Variants in NCAM2 observed in about 807,000 individuals in gnomAD.
NCAM2 encodes neural cell adhesion molecule 2, also known as N-CAM-2.
Under a neutral mutation model 98.1 loss-of-function variants are expected in NCAM2, and 30 were observed. That is an observed-to-expected ratio of 0.31 (90% CI 0.23 to 0.41). The LOEUF (loss-of-function observed/expected upper bound fraction) is 0.41. NCAM2 is among the 10% of genes least tolerant of loss of function. The pLI is 1.00. For missense variants in NCAM2, 867 were observed against 1,005.8 expected (o/e 0.86, Z 1.87); for synonymous variants, 368 against 342.4 (o/e 1.07, Z -0.83).
intron 1 of NCAM2, among the ~76,000 whole-genome samples, chr21:21,273,466 A>G (rs1049123336): frequency 1.3e-5 from 2 of 152,138 alleles, no homozygotes; most frequent in African/African-American, 4.8e-5. Flanking sequence ...GCAAACTATA[A>G]ATATGGAGGT....
At chr21:21,473,373 A>AAAATATATATATATATATAT in intron 14 of NCAM2, among the ~76,000 whole-genome samples, 1 of 140,494 alleles carries the variant, frequency 7.1e-6, no homozygotes, top group African/African-American at 2.6e-5. Context: ...TATATGTATA[A>AAAATATATATATATATATAT]ATATATATAT....
chr21:21,474,133 A>G (rs904278415), intron 14 of NCAM2, among the ~76,000 whole-genome samples: 1 of 151,926 alleles, frequency 6.6e-6, no homozygotes, highest in Non-Finnish European at 1.5e-5. Flanking sequence ...CATACTTGAG[A>G]TTTTGATGCC....
chr21:21,423,835 T>C (rs1428152311), intron 11 of NCAM2, among the ~76,000 whole-genome samples: 1 of 152,140 alleles, frequency 6.6e-6, no homozygotes, highest in East Asian at 1.9e-4. Flanking sequence ...GAAGCACTCA[T>C]CTGTATTTTC....
chr21:21,125,459 G>GT, intron 1 of NCAM2, among the ~76,000 whole-genome samples: 1 of 3,582 alleles, frequency 2.8e-4, no homozygotes, highest in East Asian at 0.013. Flanking sequence ...TACATATATA[G>GT]AGACAGATAT....
chr21:21,415,791 G>A (rs2076983146), intron 10 of NCAM2, among the ~76,000 whole-genome samples: 1 of 152,106 alleles, frequency 6.6e-6, no homozygotes, highest in Admixed American at 6.6e-5. Flanking sequence ...CCTCACCTCT[G>A]TCAGCCTTCA....
At chr21:21,430,956 G>T (rs552580352) in intron 11 of NCAM2, among the ~76,000 whole-genome samples, 5 of 148,302 alleles carry the variant, frequency 3.4e-5, no homozygotes, top group African/African-American at 1.2e-4. Context: ...TGAAGCAGGA[G>T]AATGGCATGA....
Position 21,418,455 on chromosome 21 carries a change from T to C in NCAM2, c.1384-18T>C, listed in dbSNP as rs1353803679. ...TGATGTTTTAGAATTGTAACATTTG[T>C]TATTATAATTATTTCAGATTGCACC... On this transcript the variant is annotated intron_variant, in intron 10 of 17. Transcript: ENST00000400546. 1 of 1,552,954 alleles carries C rather than the reference T, an allele frequency of 6.4e-7. No homozygotes were observed. Among genetic ancestry groups the C allele is most frequent in the Admixed American group, 1.7e-5 (1 of 59,792 alleles).
chr21:21,121,218 A>G (rs1281531088), intron 1 of NCAM2, among the ~76,000 whole-genome samples: 2 of 152,178 alleles, frequency 1.3e-5, no homozygotes, highest in African/African-American at 2.4e-5. Flanking sequence ...GTTAATTTCA[A>G]TAGCTTCTTA....
intron 1 of NCAM2, among the ~76,000 whole-genome samples, chr21:21,006,252 A>G (rs950647764): frequency 6.6e-6 from 1 of 152,132 alleles, no homozygotes; most frequent in African/African-American, 2.4e-5. Context: ...CACATCTGTA[A>G]TCCCAGGACT....
rs149776780 is a variant in NCAM2, at chr21:21,497,269, T to A, written c.2078-11582T>A. ...TCAAGCTGTGTGCTCGCTATCAGGGTGATATGACTTCCAAACCTCAGCATC... is the reference window on the plus strand; with the variant it reads ...TCAAGCTGTGTGCTCGCTATCAGGGAGATATGACTTCCAAACCTCAGCATC... On this transcript the variant is annotated intron_variant, in intron 15 of 17. Coordinates refer to ENST00000400546, the MANE Select transcript of NCAM2 (RefSeq NM_004540.5). 5.3e-5 allele frequency among the ~76,000 whole-genome samples: 8 copies of A among 152,160 alleles called. No individual in the cohort carries two copies. In the East Asian group the frequency reaches 1.5e-3, roughly 29 times the overall value.
chr21:21,182,758 A>G (rs996611870), intron 1 of NCAM2, among the ~76,000 whole-genome samples: 7 of 152,152 alleles, frequency 4.6e-5, no homozygotes, highest in Non-Finnish European at 8.8e-5. Context: ...ATCTTTCTAA[A>G]ATATACTGTG....
At chr21:21,006,076 A>G (rs576074601) in intron 1 of NCAM2, among the ~76,000 whole-genome samples, 1 of 152,318 alleles carries the variant, frequency 6.6e-6, no homozygotes, top group East Asian at 1.9e-4. Flanking sequence ...GCTGACGCTC[A>G]CATTTATATC....
chr21:21,349,445 C>T (rs112411219), intron 8 of NCAM2, among the ~76,000 whole-genome samples: 5 of 152,012 alleles, frequency 3.3e-5, no homozygotes, highest in African/African-American at 1.2e-4. Context: ...CTGACAAGGA[C>T]GTATAGAAAA....
chr21:21,099,347 G>A (rs1326284501), intron 1 of NCAM2, among the ~76,000 whole-genome samples: 1 of 151,780 alleles, frequency 6.6e-6, no homozygotes, highest in Non-Finnish European at 1.5e-5. Flanking sequence ...TCATTCTCAC[G>A]CTGCTATAAA....
Position 21,467,663 on chromosome 21 carries a change from T to C in NCAM2, c.1774+938T>C, listed in dbSNP as rs372416030. Among the ~76,000 whole-genome samples, 35 of 151,516 alleles carry C rather than the reference T, an allele frequency of 2.3e-4. No homozygotes were observed. In the East Asian group the frequency reaches 3.9e-3, roughly 17 times the overall value. The stretch of plus-strand genomic sequence containing the variant: ...AAGCTCAAGACCAGCCTGGGTGATA[T>C]AGTAAAACCCTATCTCTCCAAAAAA... On this transcript the variant is annotated intron_variant, in intron 13 of 17. Coordinates refer to ENST00000400546, the MANE Select transcript of NCAM2 (RefSeq NM_004540.5).
At chr21:21,506,049 A>T (rs1257926664) in intron 15 of NCAM2, among the ~76,000 whole-genome samples, 4 of 152,048 alleles carry the variant, frequency 2.6e-5, no homozygotes, top group South Asian at 2.1e-4. Flanking sequence ...GAATCTTCAT[A>T]CTTAGGAAAG....
At chr21:21,420,409 T>A (rs2077087699) in intron 11 of NCAM2, among the ~76,000 whole-genome samples, 1 of 151,968 alleles carries the variant, frequency 6.6e-6, no homozygotes, top group East Asian at 1.9e-4. Flanking sequence ...TAAAAAATAG[T>A]TTATGTAGCT....
In NCAM2 at chr21:21,151,597, G is replaced by A. The variant is rs1234056983; in HGVS notation, c.56-128981G>A. 2.6e-5 allele frequency among the ~76,000 whole-genome samples: 4 copies of A among 151,976 alleles called. No individual in the cohort carries two copies. The East Asian group carries it at 5.8e-4, about 22-fold the overall frequency. ...TTCAGTTCTTCAGGTATTTGGAAGC[G>A]CTGGTAGTGGCATACACGTACAGGA... On this transcript the variant is annotated intron_variant, in intron 1 of 17. Transcript: ENST00000400546.
intron 1 of NCAM2, among the ~76,000 whole-genome samples, chr21:21,251,701 C>G (rs1013562356): frequency 2.0e-5 from 3 of 150,192 alleles, no homozygotes; most frequent in African/African-American, 7.3e-5. Context: ...AATCACCACG[C>G]TGTCTTCTAC....
Sources: gnomAD v4.1 joint callset for allele counts (sites outside exome capture counted in the v4.1 genomes callset) on GRCh38, gnomAD v4.1.1 for gene constraint, MANE v1.5 for transcripts, NCBI Gene and HGNC (gene_info 2026-07-23, HGNC 2026-07-21) for gene names.